Variants in UQCC4 observed in about 807,000 individuals in gnomAD.
UQCC4 encodes cattle cerebrum and skeletal muscle-specific protein 1 family member.
chr16:1,420,434 C>T, the UQCC4 span: 1 of 1,614,262 alleles, frequency 6.2e-7, no homozygotes, highest in South Asian at 1.1e-5. Flanking sequence ...CGCTGATGTC[C>T]CTTTCCCATG....
chr16:1,420,708 A>C, the UQCC4 span: 8 of 1,542,106 alleles, frequency 5.2e-6, no homozygotes, highest in Admixed American at 5.9e-5. Context: ...GCCGGGGCAC[A>C]CAAGACACGA....
chr16:1,419,784 T>A, the UQCC4 span: 2 of 656,372 alleles, frequency 3.0e-6, no homozygotes, highest in Non-Finnish European at 4.3e-6. Flanking sequence ...TTATTTTCAT[T>A]TGTTGTTGTG....
the UQCC4 span, chr16:1,420,702 G>T: frequency 3.2e-6 from 5 of 1,543,518 alleles, no homozygotes; most frequent in Non-Finnish European, 4.4e-6. Flanking sequence ...CCGGCCGCCG[G>T]GGCACACAAG....
the UQCC4 span, chr16:1,420,546 C>T: frequency 6.2e-7 from 1 of 1,613,332 alleles, no homozygotes; most frequent in Non-Finnish European, 8.5e-7. Flanking sequence ...GGGCCCGATC[C>T]CGGGAACCGG....
the UQCC4 span, chr16:1,420,089 C>T: frequency 5.6e-6 from 9 of 1,613,270 alleles, no homozygotes; most frequent in Admixed American, 1.2e-4. Context: ...TTCTGCTCCG[C>T]CTTCACGCGA....
the UQCC4 span, chr16:1,420,533 G>A: frequency 6.2e-7 from 1 of 1,613,922 alleles, no homozygotes; most frequent in African/African-American, 1.3e-5. Context: ...TCGGCGGCAG[G>A]GTGGGCCCGA....
At chr16:1,420,104 G>C in the UQCC4 span, 2 of 1,613,298 alleles carry the variant, frequency 1.2e-6, no homozygotes, top group South Asian at 1.1e-5. Context: ...ACGCGAATCA[G>C]CATAGCCAAG....
the UQCC4 span, chr16:1,419,759 T>G: frequency 4.5e-5 from 23 of 509,778 alleles, no homozygotes; most frequent in Middle Eastern, 7.9e-4. Flanking sequence ...TAATCCCATA[T>G]TATAAAATTA....
At chr16:1,420,503 G>C in the UQCC4 span, 3 of 1,614,248 alleles carry the variant, frequency 1.9e-6, no homozygotes, top group Non-Finnish European at 2.5e-6. Flanking sequence ...TCAATGGGGC[G>C]GTCAGGGTCG....
chr16:1,420,212 G>A, the UQCC4 span: 259 of 1,613,752 alleles, frequency 1.6e-4, no homozygotes, highest in Non-Finnish European at 2.1e-4. Context: ...GGCGGCTGTC[G>A]GCTCCCTTCC....
chr16:1,420,667 C>A, the UQCC4 span: 1 of 1,549,354 alleles, frequency 6.5e-7, no homozygotes, highest in East Asian at 2.4e-5. Context: ...CTGCCCTCGG[C>A]CCTCCGAGAC....
the UQCC4 span, chr16:1,420,014 A>C: frequency 6.2e-7 from 1 of 1,606,480 alleles, no homozygotes; most frequent in Non-Finnish European, 8.5e-7. Flanking sequence ...GGATCTGAGA[A>C]GTCTTGCCGA....
At chr16:1,419,873 C>T in the UQCC4 span, 1 of 1,356,524 alleles carries the variant, frequency 7.4e-7, no homozygotes, top group Non-Finnish European at 9.8e-7. Context: ...GATATTCTAT[C>T]TCAGAAAGCA....
chr16:1,419,974 A>C, the UQCC4 span: 30 of 1,578,260 alleles, frequency 1.9e-5, no homozygotes, highest in East Asian at 7.2e-4. Flanking sequence ...CAAATCCAAC[A>C]GCATACAGTG....
chr16:1,420,195 T>G, the UQCC4 span: 2 of 1,613,846 alleles, frequency 1.2e-6, no homozygotes, highest in African/African-American at 2.7e-5. Flanking sequence ...TGACATCAAA[T>G]CCGAAGGGCG....
chr16:1,420,665 G>C, the UQCC4 span: 1 of 1,549,750 alleles, frequency 6.5e-7, no homozygotes, highest in Admixed American at 2.0e-5. Context: ...GTCTGCCCTC[G>C]GCCCTCCGAG....
At chr16:1,419,850 C>G in the UQCC4 span, 1 of 1,306,070 alleles carries the variant, frequency 7.7e-7, no homozygotes, top group Admixed American at 2.1e-5. Context: ...AATACAGTTT[C>G]ACACTTCTGC....
the UQCC4 span, chr16:1,419,876 A>T: frequency 7.3e-7 from 1 of 1,362,606 alleles, no homozygotes; most frequent in South Asian, 1.2e-5. Context: ...ATTCTATCTC[A>T]GAAAGCAAAT....
At chr16:1,420,340 T>C in the UQCC4 span, 1 of 1,614,134 alleles carries the variant, frequency 6.2e-7, no homozygotes, top group Non-Finnish European at 8.5e-7. Context: ...CAACCACTGG[T>C]CCGCCTCGCT....
Sources: gnomAD v4.1 joint callset for allele counts on GRCh38, gnomAD v4.1.1 for gene constraint, MANE v1.5 for transcripts, NCBI Gene and HGNC (gene_info 2026-07-23, HGNC 2026-07-21) for gene names.